Variants in DNAH10 observed in about 807,000 individuals in gnomAD.
DNAH10 encodes axonemal beta dynein heavy chain 10.
DNAH10 carries 348 observed loss-of-function variants against 506.6 expected under a neutral mutation model. That is an observed-to-expected ratio of 0.69 (90% CI 0.63 to 0.75). DNAH10 has a LOEUF of 0.75. Ranked by LOEUF, DNAH10 falls within the 30% of genes least tolerant of loss-of-function variation. The pLI is 0.00. For synonymous variants in DNAH10, 2,059 were observed against 2,198.6 expected, an observed-to-expected ratio of 0.94 and a Z score of 1.78; for missense variants, 5,179 against 5,787.1, an observed-to-expected ratio of 0.89 and a Z score of 3.41.
intron 65 of DNAH10, chr12:123,923,546 C>T: frequency 2.3e-6 from 1 of 429,824 alleles, no homozygotes; most frequent in Non-Finnish European, 4.1e-6. Context: ...CCGTTACATA[C>T]AGGAGCATGT....
At chr12:123,779,583 A>G (rs1957566087) in intron 5 of DNAH10, among the ~76,000 whole-genome samples, 1 of 143,742 alleles carries the variant, frequency 7.0e-6, no homozygotes, top group Non-Finnish European at 1.5e-5. Context: ...CCCCCACTTG[A>G]TTAATGGACC....
intron 28 of DNAH10, among the ~76,000 whole-genome samples, chr12:123,837,236 C>T (rs373006293): frequency 8.0e-5 from 12 of 149,500 alleles, no homozygotes; most frequent in East Asian, 2.0e-4. Flanking sequence ...CCCAGCTACT[C>T]GGGAGGCTGA....
At chr12:123,822,331 C>T (rs1959497646) in intron 24 of DNAH10, among the ~76,000 whole-genome samples, 1 of 152,168 alleles carries the variant, frequency 6.6e-6, no homozygotes, top group Admixed American at 6.5e-5. Flanking sequence ...TAGCTCAGTG[C>T]TGTGCTGGTT....
At chr12:123,860,420 T>C (rs1033037581) in intron 38 of DNAH10, among the ~76,000 whole-genome samples, 3 of 152,246 alleles carry the variant, frequency 2.0e-5, no homozygotes, top group Admixed American at 2.0e-4. Context: ...TAATATAGCA[T>C]GTACATTATG....
Position 123,848,787 on chromosome 12 carries a change from G to T in DNAH10, c.6007G>T (p.Glu2003Ter), listed in dbSNP as rs781285755. 1.2e-6 allele frequency: 2 copies of T among 1,613,978 alleles called. No homozygotes were observed. The highest frequency in any genetic ancestry group is 1.7e-6 in the Non-Finnish European group (2 of 1,179,890). ...GTGCGGGGCTTGGGGCTGCTTTGAT[G>T]AGTTTAATCGAATCGATGCTTCTGT... is the stretch of plus-strand genomic sequence containing the variant. ...AQCGAWGCFDEFNRIDASVLS... is the reference protein window; with the variant it reads ...AQCGAWGCFD The change falls in exon 34 of 79, where the codon GAG becomes TAG. Residue 2003 changes from glutamate (E) to a stop codon, truncating the protein, a stop_gained. Transcript: ENST00000673944. LOFTEE classifies it high-confidence loss of function.
At position 123,880,820 on chromosome 12, in the gene DNAH10, G is replaced by T. The variant is rs1381415081; in HGVS notation, c.8635-805G>T. Among the ~76,000 whole-genome samples, 8 of 112,776 alleles carry T rather than the reference G, an allele frequency of 7.1e-5. No individual in the cohort carries two copies. In the East Asian group the frequency reaches 1.3e-3, roughly 18 times the overall value. The allele number at this position is 112,776 out of a possible 152,430, so 74.0% of individuals were successfully genotyped here. A position where few individuals can be genotyped will look rare whatever the true frequency, so the allele number is the denominator to read the frequency against. The stretch of plus-strand genomic sequence containing the variant: ...CCCCCCTCCCCCCACCCCACAACAG[G>T]CCCTGGTGTGTGATGTTCCCCTTCC... On this transcript the variant is annotated intron_variant, in intron 50 of 78. Coordinates refer to ENST00000673944, the MANE Select transcript of DNAH10 (RefSeq NM_001372106.1).
intron 26 of DNAH10, among the ~76,000 whole-genome samples, chr12:123,832,627 G>A (rs893001244): frequency 6.6e-6 from 1 of 152,042 alleles, no homozygotes; most frequent in African/African-American, 2.4e-5. Flanking sequence ...ACAGGCATGA[G>A]CCACCGCACC....
In DNAH10 at chr12:123,903,046, A is replaced by G. The variant is rs757043363; in HGVS notation, c.9748A>G (p.Met3250Val). 3.7e-5 allele frequency: 60 copies of G among 1,610,506 alleles called. No homozygotes were observed. The highest frequency in any genetic ancestry group is 8.4e-5 in the Admixed American group (5 of 59,626). Residue 3250 changes from methionine (M) to valine (V), a missense_variant, in exon 57 of 79, where the codon ATG becomes GTG. Around this residue, in one of 3 missense-constraint regions of DNAH10, gnomAD observed 4,844 missense variants for 5,430.5 expected, o/e 0.89. Coordinates refer to ENST00000673944, the MANE Select transcript of DNAH10 (RefSeq NM_001372106.1). The surrounding 1 kb of genome is among the most constrained non-coding windows in gnomAD (Gnocchi z 4.6). Reference protein sequence around the residue: ...AEAETTLAEVMPILEAAKLEL... With the variant: ...AEAETTLAEVVPILEAAKLEL... ...GGCCGAGACGACCCTGGCAGAGGTC[A>G]TGCCCATCCTGGAGGCCGCCAAGCT...
intron 5 of DNAH10, among the ~76,000 whole-genome samples, chr12:123,778,560 G>C (rs1957525159): frequency 6.6e-6 from 1 of 151,922 alleles, no homozygotes; most frequent in African/African-American, 2.4e-5. Context: ...GCTGGGCATG[G>C]TGGCATGCAC....
chr12:123,793,803 A>T, intron 11 of DNAH10, 139 bp from the exon 12 acceptor site: 2 of 578,496 alleles, frequency 3.5e-6, no homozygotes, highest in Non-Finnish European at 4.7e-6. Flanking sequence ...CTCCCACTTT[A>T]AATTGGATAC....
At chr12:123,908,553 C>T (rs1953916868) in intron 57 of DNAH10, 2 of 456,094 alleles carry the variant, frequency 4.4e-6, no homozygotes, top group Non-Finnish European at 4.4e-6. Context: ...AGTGGGATGC[C>T]CCGGTGAGAT....
Position 123,880,166 on chromosome 12 carries a change from C to A in DNAH10, c.8634+365C>A, listed in dbSNP as rs1952442392. 2.0e-5 allele frequency among the ~76,000 whole-genome samples: 3 copies of A among 152,052 alleles called. No homozygotes were observed. The South Asian group carries it at 6.2e-4, about 32-fold the overall frequency. ...TTGGGTCGCTGCTGGCCAATCAAAG[C>A]CCAGCAGATGGAAATCTCGATTGTG... On this transcript the variant is annotated intron_variant, in intron 50 of 78. Transcript: ENST00000673944.
intron 2 of DNAH10, among the ~76,000 whole-genome samples, chr12:123,770,128 A>C (rs112491882): frequency 0.059 from 8,923 of 151,676 alleles, 767 homozygotes; most frequent in African/African-American, 0.18. Context: ...TGTACCTGTA[A>C]TCCCAGCTAC....
intron 64 of DNAH10, 104 bp from the exon 65 acceptor site, chr12:123,918,572 G>C: frequency 1.4e-6 from 2 of 1,380,372 alleles, no homozygotes; most frequent in Non-Finnish European, 1.9e-6. Flanking sequence ...TACTTTCAAA[G>C]CCCTGAAGCA....
chr12:123,864,557 TC>T, intron 39 of DNAH10, 37 bp from the exon 40 acceptor site: 11 of 1,609,854 alleles, frequency 6.8e-6, no homozygotes, highest in Non-Finnish European at 9.3e-6. Flanking sequence ...TTGGAAGCTC[TC>T]TAGGACCCAT....
chr12:123,789,648 G>A (rs899752354), intron 10 of DNAH10, among the ~76,000 whole-genome samples: 1 of 152,100 alleles, frequency 6.6e-6, no homozygotes, highest in Admixed American at 6.5e-5. Context: ...CCTCCCTGAA[G>A]CACTTTCAAC....
At chr12:123,800,135 G>A in intron 14 of DNAH10, 81 bp from the exon 15 acceptor site, 2 of 1,423,598 alleles carry the variant, frequency 1.4e-6, no homozygotes, top group South Asian at 1.4e-5. Context: ...TCTTTTTCAT[G>A]TTCACTTTTG....
chr12:123,849,163 G>T (rs1951068599), intron 34 of DNAH10, among the ~76,000 whole-genome samples: 1 of 152,154 alleles, frequency 6.6e-6, no homozygotes, highest in Non-Finnish European at 1.5e-5. Context: ...GATGTGCAGG[G>T]TCCCCTAGAA....
In DNAH10 at chr12:123,824,391, G is replaced by A. The variant is rs1279591257; in HGVS notation, c.4180-2296G>A. ...GATGTTGAGGAAGCAGCACTTGGAT[G>A]TATTTGTCTGGAGCTCAGAGGAGAG... On this transcript the variant is annotated intron_variant, in intron 24 of 78. Coordinates refer to ENST00000673944, the MANE Select transcript of DNAH10 (RefSeq NM_001372106.1). Among the ~76,000 whole-genome samples the A allele has an allele frequency of 2.0e-5, 3 of 152,306 alleles. No homozygotes were observed. The East Asian group carries it at 5.8e-4, about 29-fold the overall frequency.
Sources: allele counts gnomAD v4.1 joint callset (sites outside exome capture counted in the v4.1 genomes callset), GRCh38; gene constraint gnomAD v4.1.1; regional missense constraint gnomAD v4.1.1; non-coding constraint Gnocchi (gnomAD v3.1); transcripts MANE v1.5; gene names NCBI Gene and HGNC (gene_info 2026-07-23, HGNC 2026-07-21).